SNX9: variants seen among roughly 807,000 people sequenced by gnomAD.
The protein encoded by SNX9 is sorting nexin-9.
In SNX9, 44 loss-of-function variants were observed where a neutral mutation model predicts 89.4. The observed-to-expected ratio is 0.49, with a 90% CI of 0.39 to 0.63. The LOEUF (loss-of-function observed/expected upper bound fraction) is 0.63. SNX9 is among the 30% of genes least tolerant of loss of function. The pLI is 0.00. For missense variants in SNX9, 578 were observed against 736.1 expected (o/e 0.79, Z 2.49); for synonymous variants, 236 against 247.8 (o/e 0.95, Z 0.45).
intron 4 of SNX9, among the ~76,000 whole-genome samples, chr6:157,878,418 A>T (rs564150786): frequency 2.6e-5 from 4 of 151,430 alleles, no homozygotes; most frequent in Non-Finnish European, 4.4e-5. Context: ...ATCTTGGAAT[A>T]TGGAAGCCCA....
chr6:157,876,645 C>G (rs1782528017), intron 4 of SNX9, among the ~76,000 whole-genome samples: 1 of 152,202 alleles, frequency 6.6e-6, no homozygotes, highest in African/African-American at 2.4e-5. Context: ...TTTTATTATT[C>G]TATACTACTT....
At chr6:157,843,892 T>TTTG (rs1408068225) in intron 1 of SNX9, among the ~76,000 whole-genome samples, 2 of 149,108 alleles carry the variant, frequency 1.3e-5, no homozygotes, top group African/African-American at 5.0e-5. Context: ...TTTTTTTTTT[T>TTTG]GAGATGGAGT....
At chr6:157,942,735 G>C in intron 17 of SNX9, 56 bp from the exon 18 acceptor site, 1 of 1,565,538 alleles carries the variant, frequency 6.4e-7, no homozygotes. Context: ...AAAGAACACT[G>C]TGAGGTCGTA....
intron 17 of SNX9, among the ~76,000 whole-genome samples, chr6:157,942,534 G>A (rs1230704038): frequency 1.3e-5 from 2 of 152,246 alleles, no homozygotes; most frequent in African/African-American, 4.8e-5. Flanking sequence ...GCGCCGCTAG[G>A]GCAGAGGTGG....
intron 4 of SNX9, among the ~76,000 whole-genome samples, chr6:157,883,961 T>TTG (rs1782680460): frequency 6.6e-6 from 1 of 152,262 alleles, no homozygotes; most frequent in Non-Finnish European, 1.5e-5. Context: ...TACTCTGTTC[T>TTG]TGTTTGAATA....
chr6:157,849,958 G>A (rs778995625), intron 1 of SNX9, among the ~76,000 whole-genome samples: 1 of 152,212 alleles, frequency 6.6e-6, no homozygotes, highest in Non-Finnish European at 1.5e-5. Flanking sequence ...GACGTTGTCA[G>A]AGTGGATGTT....
intron 1 of SNX9, among the ~76,000 whole-genome samples, chr6:157,833,362 G>C (rs915441731): frequency 6.6e-6 from 1 of 151,896 alleles, no homozygotes; most frequent in Non-Finnish European, 1.5e-5. Context: ...TATACCTTCT[G>C]TTAATTTGTT....
intron 4 of SNX9, among the ~76,000 whole-genome samples, chr6:157,876,417 C>T (rs539240481): frequency 6.6e-6 from 1 of 152,324 alleles, no homozygotes; most frequent in Admixed American, 6.5e-5. Flanking sequence ...TGCCACTGTA[C>T]TCCAGCCTGG....
Position 157,823,393 on chromosome 6 carries a change from G to C in SNX9, c.-42G>C. On this transcript the variant is annotated 5_prime_UTR_variant, in exon 1 of 18. Coordinates refer to ENST00000392185, the MANE Select transcript of SNX9 (RefSeq NM_016224.5). This position sits in a 1 kb window ranked among gnomAD's most constrained non-coding sequence, Gnocchi z 4.6. ...GGCTCAGAATCACCATCCGCGGCGC[G>C]GGAGACGAGCCGGCCGTCCCGGGCC... The C allele has an allele frequency of 7.9e-7, 1 of 1,273,500 alleles. No individual in the cohort carries two copies. Among genetic ancestry groups the C allele is most frequent in the East Asian group, 3.9e-5 (1 of 25,632 alleles). 78.9% of individuals were successfully genotyped at this position (1,273,500 alleles called of 1,614,324 possible).
intron 4 of SNX9, among the ~76,000 whole-genome samples, chr6:157,880,529 T>C (rs111882034): frequency 1.7e-4 from 26 of 152,332 alleles, no homozygotes; most frequent in African/African-American, 6.0e-4. Flanking sequence ...ACCGAATCAC[T>C]TATTTCCCCA....
At position 157,844,844 on chromosome 6, in the gene SNX9, C is replaced by T. The variant is rs182857171; in HGVS notation, c.12+21398C>T. 5.9e-5 allele frequency among the ~76,000 whole-genome samples: 9 copies of T among 152,244 alleles called. No homozygotes were observed. The East Asian group carries it at 1.7e-3, about 29-fold the overall frequency. On this transcript the variant is annotated intron_variant, in intron 1 of 17. Coordinates refer to ENST00000392185, the MANE Select transcript of SNX9 (RefSeq NM_016224.5). Reference sequence around the variant, plus strand: ...TCCTGACCTCAAATGATTTACCCACCTTGGTCTCCCAAAGTGCTGGGATTA... The same window carrying T: ...TCCTGACCTCAAATGATTTACCCACTTTGGTCTCCCAAAGTGCTGGGATTA...
At chr6:157,831,558 CTT>C (rs1781479162) in intron 1 of SNX9, among the ~76,000 whole-genome samples, 1 of 152,156 alleles carries the variant, frequency 6.6e-6, no homozygotes, top group South Asian at 2.1e-4. Context: ...ATACAGGACA[CTT>C]TGTGTGTTGC....
intron 9 of SNX9, among the ~76,000 whole-genome samples, chr6:157,915,363 G>A (rs1783438775): frequency 6.6e-6 from 1 of 151,858 alleles, no homozygotes. Flanking sequence ...CATTGATTCT[G>A]TAGATCAATT....
Position 157,878,039 on chromosome 6 carries a change from A to G in SNX9, c.300+2863A>G, listed in dbSNP as rs1782552536. On this transcript the variant is annotated intron_variant, in intron 4 of 17. Transcript: ENST00000392185. The stretch of plus-strand genomic sequence containing the variant: ...TTCAGAGTAACTAGTTCATAAATGT[A>G]TAACCTACTATGTAAGATAGCACTT... 2.0e-5 allele frequency among the ~76,000 whole-genome samples: 3 copies of G among 152,228 alleles called. No homozygotes were observed. In the South Asian group the frequency reaches 6.2e-4, roughly 31 times the overall value.
intron 6 of SNX9, among the ~76,000 whole-genome samples, chr6:157,905,144 G>A (rs140081720): frequency 9.2e-5 from 14 of 152,222 alleles, no homozygotes; most frequent in African/African-American, 3.4e-4. Flanking sequence ...CCAGCTGCAG[G>A]ACACATCTGG....
At chr6:157,901,046 G>A (rs1783086051) in intron 5 of SNX9, among the ~76,000 whole-genome samples, 1 of 152,116 alleles carries the variant, frequency 6.6e-6, no homozygotes, top group Non-Finnish European at 1.5e-5. Flanking sequence ...CATTCCCAGA[G>A]CTATGAATAT....
intron 9 of SNX9, among the ~76,000 whole-genome samples, chr6:157,913,860 G>A (rs1015664174): frequency 6.6e-6 from 1 of 152,160 alleles, no homozygotes; most frequent in Non-Finnish European, 1.5e-5. Flanking sequence ...GTATTCCAGT[G>A]TTTAGATATA....
intron 1 of SNX9, among the ~76,000 whole-genome samples, chr6:157,826,234 C>G (rs1781341726): frequency 6.6e-6 from 1 of 152,112 alleles, no homozygotes; most frequent in African/African-American, 2.4e-5. Context: ...GGCGCCGTCT[C>G]ACGCCTGTAA....
At chr6:157,901,855 T>C (rs1265199420) in intron 5 of SNX9, 43 bp from the exon 6 acceptor site, 1 of 103,932 alleles carries the variant, frequency 9.6e-6, no homozygotes, top group African/African-American at 4.3e-5. Flanking sequence ...TATTTTGGTC[T>C]TTTTTTTTTT....
Sources: gnomAD v4.1 joint callset for allele counts (sites outside exome capture counted in the v4.1 genomes callset) on GRCh38, gnomAD v4.1.1 for gene constraint, Gnocchi (gnomAD v3.1) non-coding constraint, MANE v1.5 for transcripts, NCBI Gene and HGNC (gene_info 2026-07-23, HGNC 2026-07-21) for gene names.